SGCG: variants seen among roughly 807,000 people sequenced by gnomAD.
SGCG encodes the protein sarcoglycan gamma.
In SGCG, 26 loss-of-function variants were observed where a neutral mutation model predicts 29.3. That is an observed-to-expected ratio of 0.89 (90% confidence interval 0.65 to 1.23). The LOEUF (loss-of-function observed/expected upper bound fraction) is 1.23, where lower values mean the gene tolerates loss of function less well. Among genes scored for constraint, SGCG ranks in the 50% most tolerant of loss-of-function variants. SGCG has a pLI of 0.00. For missense variants in SGCG, 353 were observed against 356.0 expected (o/e 0.99, Z 0.07); for synonymous variants, 145 against 129.7 (o/e 1.12, Z -0.80).
At chr13:23,187,439 G>A (rs1043868924) in intron 1 of SGCG, among the ~76,000 whole-genome samples, 8 of 152,200 alleles carry the variant, frequency 5.3e-5, no homozygotes, top group Non-Finnish European at 1.5e-5. Flanking sequence ...TCCACAGGAA[G>A]TGGATACACA....
At chr13:23,316,080 G>A (rs1882797714) in intron 6 of SGCG, among the ~76,000 whole-genome samples, 1 of 152,198 alleles carries the variant, frequency 6.6e-6, no homozygotes, top group African/African-American at 2.4e-5. Context: ...CGCTCACCAA[G>A]GCTATTCTGG....
chr13:23,262,411 A>G (rs1039966020), intron 4 of SGCG, among the ~76,000 whole-genome samples: 2 of 151,988 alleles, frequency 1.3e-5, no homozygotes, highest in African/African-American at 4.8e-5. Context: ...AAACCAAAAA[A>G]TGTAGTTATA....
the SGCG span, among the ~76,000 whole-genome samples, chr13:23,172,381 T>C: frequency 6.6e-6 from 1 of 152,110 alleles, no homozygotes; most frequent in Non-Finnish European, 1.5e-5. Flanking sequence ...CATTTATAAA[T>C]TATATTCAAA....
intron 2 of SGCG, among the ~76,000 whole-genome samples, chr13:23,233,315 A>G (rs1374644726): frequency 6.6e-6 from 1 of 152,246 alleles, no homozygotes. Context: ...AGTCAGCCAC[A>G]AAAAGATAAA....
chr13:23,204,748 C>T (rs531025086), intron 2 of SGCG, among the ~76,000 whole-genome samples: 1 of 146,812 alleles, frequency 6.8e-6, no homozygotes, highest in Non-Finnish European at 1.5e-5. Flanking sequence ...CTCTGTTGCC[C>T]AGGCTGGAGT....
At chr13:23,312,099 C>G (rs1177005786) in intron 6 of SGCG, among the ~76,000 whole-genome samples, 1 of 152,186 alleles carries the variant, frequency 6.6e-6, no homozygotes, top group African/African-American at 2.4e-5. Flanking sequence ...TTCTTTGGCT[C>G]CAAGTAATCC....
chr13:23,295,887 T>A (rs1004543091), intron 6 of SGCG, among the ~76,000 whole-genome samples: 13 of 152,208 alleles, frequency 8.5e-5, no homozygotes, highest in South Asian at 2.1e-4. Context: ...TGGCGGGACC[T>A]CCTCCCCTAC....
intron 1 of SGCG, among the ~76,000 whole-genome samples, chr13:23,191,632 A>T (rs975529628): frequency 2.0e-5 from 3 of 152,194 alleles, no homozygotes; most frequent in Non-Finnish European, 1.5e-5. Context: ...TGTAGAGCTA[A>T]ATAAGGTTTG....
chr13:23,253,976 C>G (rs756018740), intron 4 of SGCG, among the ~76,000 whole-genome samples: 5 of 152,222 alleles, frequency 3.3e-5, no homozygotes, highest in African/African-American at 9.7e-5. Flanking sequence ...CATGTTTGTA[C>G]AGCCTGCAGA....
At chr13:23,252,107 T>G (rs1323095725) in intron 4 of SGCG, among the ~76,000 whole-genome samples, 1 of 152,196 alleles carries the variant, frequency 6.6e-6, no homozygotes, top group African/African-American at 2.4e-5. Flanking sequence ...GGAGATGAAC[T>G]CCAGTTTTTC....
chr13:23,218,963 C>T (rs1049479036), intron 2 of SGCG, among the ~76,000 whole-genome samples: 2 of 146,534 alleles, frequency 1.4e-5, no homozygotes, highest in South Asian at 2.1e-4. Flanking sequence ...CATAATTTTC[C>T]CACCATAGAA....
At chr13:23,313,978 C>A (rs1882698780) in intron 6 of SGCG, among the ~76,000 whole-genome samples, 1 of 152,146 alleles carries the variant, frequency 6.6e-6, no homozygotes, top group Non-Finnish European at 1.5e-5. Flanking sequence ...CTGGACGCTT[C>A]CTGCCCTTGA....
At chr13:23,210,697 TA>T (rs1878165994) in intron 2 of SGCG, among the ~76,000 whole-genome samples, 1 of 152,064 alleles carries the variant, frequency 6.6e-6, no homozygotes, top group Non-Finnish European at 1.5e-5. Flanking sequence ...TCTCAAAAAA[TA>T]AAAAATAAAT....
At chr13:23,198,680 A>C (rs758281518) in intron 1 of SGCG, among the ~76,000 whole-genome samples, 11 of 151,982 alleles carry the variant, frequency 7.2e-5, no homozygotes, top group Non-Finnish European at 7.4e-5. Context: ...CCCAGTCTCT[A>C]TTAAAAATAT....
intron 2 of SGCG, among the ~76,000 whole-genome samples, chr13:23,232,119 GAA>G (rs11333704): frequency 5.6e-4 from 74 of 131,346 alleles, no homozygotes; most frequent in South Asian, 1.4e-3. Flanking sequence ...ATTCCATAAA[GAA>G]AAAAAAAAAA....
At chr13:23,191,696 A>G (rs1474122464) in intron 1 of SGCG, among the ~76,000 whole-genome samples, 1 of 152,216 alleles carries the variant, frequency 6.6e-6, no homozygotes, top group Non-Finnish European at 1.5e-5. Context: ...GGCCTCAGCT[A>G]GTAGATTTGA....
chr13:23,165,516 T>G, the SGCG span, among the ~76,000 whole-genome samples: 1 of 145,810 alleles, frequency 6.9e-6, no homozygotes, highest in African/African-American at 2.7e-5. Flanking sequence ...CTCATTTCAG[T>G]AGGAGGCAAA....
chr13:23,227,145 G>A (rs1878929476), intron 2 of SGCG, among the ~76,000 whole-genome samples: 1 of 152,106 alleles, frequency 6.6e-6, no homozygotes, highest in South Asian at 2.1e-4. Context: ...GAGAGCTTAG[G>A]TAATGCACAA....
At chr13:23,168,490 C>T in the SGCG span, among the ~76,000 whole-genome samples, 1 of 152,322 alleles carries the variant, frequency 6.6e-6, no homozygotes, top group South Asian at 2.1e-4. Flanking sequence ...CCAAAGACAG[C>T]AGTAGTAGCC....
Sources: gnomAD v4.1 joint callset for allele counts (sites outside exome capture counted in the v4.1 genomes callset) on GRCh38, gnomAD v4.1.1 for gene constraint, MANE v1.5 for transcripts, NCBI Gene and HGNC (gene_info 2026-07-23, HGNC 2026-07-21) for gene names.